ZNF521: variants seen among roughly 807,000 people sequenced by gnomAD.
The protein encoded by ZNF521 is zinc finger protein 521.
ZNF521 carries 14 observed loss-of-function variants against 105.5 expected under a neutral mutation model. The observed-to-expected ratio is 0.13, with a 90% CI of 0.09 to 0.21. The LOEUF (loss-of-function observed/expected upper bound fraction) is 0.21. Ranked by LOEUF, ZNF521 falls within the 10% of genes least tolerant of loss-of-function variation. The pLI, the probability that ZNF521 is intolerant of heterozygous loss-of-function variation, is 1.00. For missense variants in ZNF521, 1,233 were observed against 1,629.7 expected (o/e 0.76, Z 4.19); for synonymous variants, 635 against 606.0 (o/e 1.05, Z -0.70).
chr18:25,107,775 C>G (rs2034102888), intron 5 of ZNF521, among the ~76,000 whole-genome samples: 2 of 152,204 alleles, frequency 1.3e-5, no homozygotes, highest in African/African-American at 2.4e-5. Flanking sequence ...GCTGGTTCCC[C>G]TATCTCGCCT....
intron 5 of ZNF521, among the ~76,000 whole-genome samples, chr18:25,102,581 C>T (rs9675375): frequency 0.016 from 2,450 of 151,918 alleles, 49 homozygotes; most frequent in African/African-American, 0.057. Flanking sequence ...GGCTAGAGTA[C>T]AGTATATGTG....
chr18:25,113,850 C>G (rs1002328984), intron 5 of ZNF521, among the ~76,000 whole-genome samples: 43 of 151,474 alleles, frequency 2.8e-4, no homozygotes, highest in Middle Eastern at 3.2e-3. Flanking sequence ...GGCTGACATA[C>G]TCACTCTATC....
intron 5 of ZNF521, among the ~76,000 whole-genome samples, chr18:25,184,328 G>A (rs1049430793): frequency 3.3e-5 from 5 of 152,110 alleles, no homozygotes; most frequent in South Asian, 2.1e-4. Flanking sequence ...TATTTTTCTC[G>A]AAGAGATATA....
intron 5 of ZNF521, among the ~76,000 whole-genome samples, chr18:25,159,085 C>A (rs1001969525): frequency 6.6e-6 from 1 of 152,020 alleles, no homozygotes; most frequent in East Asian, 1.9e-4. Context: ...CAAGTCTGCC[C>A]ATCAGAGTGA....
At chr18:25,295,175 T>C (rs1350080244) in intron 3 of ZNF521, among the ~76,000 whole-genome samples, 4 of 152,170 alleles carry the variant, frequency 2.6e-5, no homozygotes, top group Non-Finnish European at 5.9e-5. Context: ...ATTCTTTTAT[T>C]GTTATCACAC....
chr18:25,143,431 T>C (rs1441786433), intron 5 of ZNF521, among the ~76,000 whole-genome samples: 2 of 152,124 alleles, frequency 1.3e-5, no homozygotes, highest in Non-Finnish European at 2.9e-5. Context: ...GTAAATGAGA[T>C]AGATTTTCTT....
chr18:25,077,669 A>G (rs967063351), intron 7 of ZNF521, among the ~76,000 whole-genome samples: 1 of 152,190 alleles, frequency 6.6e-6, no homozygotes, highest in Non-Finnish European at 1.5e-5. Context: ...ATGCCGCACC[A>G]AAGTTGCAGA....
intron 3 of ZNF521, among the ~76,000 whole-genome samples, chr18:25,245,402 T>C (rs1452463383): frequency 6.6e-6 from 1 of 152,190 alleles, no homozygotes; most frequent in Non-Finnish European, 1.5e-5. Context: ...TTGCTACAAC[T>C]GATGAACCTC....
chr18:25,091,488 T>C (rs2033745437), intron 6 of ZNF521, among the ~76,000 whole-genome samples: 1 of 152,008 alleles, frequency 6.6e-6, no homozygotes, highest in African/African-American at 2.4e-5. Context: ...GAATTTGGGG[T>C]GAGTTTTAAT....
intron 3 of ZNF521, among the ~76,000 whole-genome samples, chr18:25,300,662 A>G (rs1911589861): frequency 6.6e-6 from 1 of 152,120 alleles, no homozygotes; most frequent in Non-Finnish European, 1.5e-5. Flanking sequence ...TTTTGCCATC[A>G]CTCTTAATTG....
chr18:25,292,913 C>A (rs1191136527), intron 3 of ZNF521, among the ~76,000 whole-genome samples: 2 of 152,150 alleles, frequency 1.3e-5, no homozygotes, highest in East Asian at 3.9e-4. Flanking sequence ...AGGGTCCAGT[C>A]CCCAGGGCCC....
chr18:25,163,619 G>T (rs2035287279), intron 5 of ZNF521, among the ~76,000 whole-genome samples: 1 of 152,126 alleles, frequency 6.6e-6, no homozygotes, highest in Non-Finnish European at 1.5e-5. Flanking sequence ...AACGCCTGTG[G>T]TAACACCATG....
chr18:25,258,965 G>C lies in ZNF521; in HGVS notation c.221-31268C>G, dbSNP rs114326792. Among the ~76,000 whole-genome samples, 317 of 152,190 alleles carry C rather than the reference G, an allele frequency of 2.1e-3. 2 individuals carry two copies. Among genetic ancestry groups the C allele is most frequent in the African/African-American group, 7.4e-3 (308 of 41,518 alleles). On this transcript the variant is annotated intron_variant, in intron 3 of 7. Coordinates refer to ENST00000361524, the MANE Select transcript of ZNF521 (RefSeq NM_015461.3). Reference sequence around the variant, plus strand: ...GCACCCTGCTACATGCTTGATATGTGTCATGTCATTTACACTTCACAAAAA... The same window carrying C: ...GCACCCTGCTACATGCTTGATATGTCTCATGTCATTTACACTTCACAAAAA...
intron 5 of ZNF521, among the ~76,000 whole-genome samples, chr18:25,152,478 C>CA (rs529986628): frequency 0.039 from 3,494 of 89,266 alleles, 124 homozygotes; most frequent in African/African-American, 0.12. Context: ...GACTCGGTCT[C>CA]AAAAAAAAAA....
At chr18:25,263,020 T>C (rs1408812625) in intron 3 of ZNF521, among the ~76,000 whole-genome samples, 4 of 152,190 alleles carry the variant, frequency 2.6e-5, no homozygotes, top group African/African-American at 9.7e-5. Flanking sequence ...CAGTGGAATA[T>C]CTCCTTTTCT....
chr18:25,196,419 C>T (rs528608627), intron 4 of ZNF521, among the ~76,000 whole-genome samples: 16 of 151,304 alleles, frequency 1.1e-4, no homozygotes, highest in African/African-American at 3.9e-4. Context: ...TGAACAAAAC[C>T]AAAGTTAAGC....
chr18:25,189,009 G>A (rs1358576027), intron 5 of ZNF521, among the ~76,000 whole-genome samples: 2 of 152,184 alleles, frequency 1.3e-5, no homozygotes, highest in African/African-American at 2.4e-5. Context: ...GTAAATCAAA[G>A]CTGCTAGACG....
intron 4 of ZNF521, among the ~76,000 whole-genome samples, chr18:25,223,100 T>C (rs1905844012): frequency 6.6e-6 from 1 of 152,226 alleles, no homozygotes; most frequent in Admixed American, 6.5e-5. Context: ...TTTCATATGC[T>C]TTTAACTACT....
At chr18:25,201,474 T>C (rs1300234263) in intron 4 of ZNF521, 1 of 152,222 alleles carries the variant, frequency 6.6e-6, no homozygotes, top group Non-Finnish European at 1.5e-5. Context: ...CATGTGGTTT[T>C]CTTATTTGGT....
Sources: gnomAD v4.1 joint callset for allele counts (sites outside exome capture counted in the v4.1 genomes callset) on GRCh38, gnomAD v4.1.1 for gene constraint, MANE v1.5 for transcripts, NCBI Gene and HGNC (gene_info 2026-07-23, HGNC 2026-07-21) for gene names.